SPATA22: variants seen among roughly 807,000 people sequenced by gnomAD.
SPATA22 encodes spermatogenesis-associated protein 22.
In SPATA22, 29 loss-of-function variants were observed where a neutral mutation model predicts 47.8. That is an observed-to-expected ratio of 0.61 (90% CI 0.45 to 0.83). The LOEUF (loss-of-function observed/expected upper bound fraction) is 0.83, where lower values mean the gene tolerates loss of function less well. SPATA22 is among the 40% of genes least tolerant of loss of function. The pLI is 0.00. For missense variants in SPATA22, 410 were observed against 421.7 expected (o/e 0.97, Z 0.24); for synonymous variants, 133 against 140.9 (o/e 0.94, Z 0.40).
rs779134574 is a variant in SPATA22 at position 3,498,860 on chromosome 17, T to C, written c.-74+14552A>G. On this transcript the variant is annotated intron_variant, in intron 1 of 8. Coordinates refer to the SPATA22 transcript ENST00000541913. ...ATTTTTAGAGGAGAAAAACCAAATA[T>C]AATATATTTATTTTGATTGTTTCCT... 5.4e-6 allele frequency: 8 copies of C among 1,478,074 alleles called. 1 individual carries two copies. In the Admixed American group the frequency reaches 7.7e-5, roughly 14 times the overall value. 91.6% of individuals were successfully genotyped at this position (1,478,074 alleles called of 1,614,324 possible). A position where few individuals can be genotyped will look rare whatever the true frequency, so the allele number is the denominator to read the frequency against.
In SPATA22 at chr17:3,481,794, T is replaced by C. The variant is rs777936704; in HGVS notation, c.-73-12396A>G. ...TTTTTAATTCAGATGTTTCATTACATTAAGGTAATGTTAATGTTATTAATT... is the reference window on the plus strand; with the variant it reads ...TTTTTAATTCAGATGTTTCATTACACTAAGGTAATGTTAATGTTATTAATT... On this transcript the variant is annotated intron_variant, in intron 1 of 8. Transcript: ENST00000541913. 1 of 1,599,902 alleles carries C rather than the reference T, an allele frequency of 6.3e-7. No homozygotes were observed. The highest frequency in any genetic ancestry group is 8.5e-7 in the Non-Finnish European group (1 of 1,170,202).
chr17:3,474,158 T>A (rs1437436148), upstream of SPATA22: 1 of 152,188 alleles, frequency 6.6e-6, no homozygotes, highest in Non-Finnish European at 1.5e-5. Context: ...AGACAAACTC[T>A]GTACACAAAA....
rs187013075 is a variant in SPATA22, at chr17:3,466,653, C to G, written c.172+773G>C. Among the ~76,000 whole-genome samples, 372 of 152,324 alleles carry G rather than the reference C, an allele frequency of 2.4e-3. 2 individuals are homozygous for G. The highest frequency in any genetic ancestry group is 8.7e-3 in the African/African-American group (362 of 41,580). On this transcript the variant is annotated intron_variant, in intron 3 of 8. Transcript: ENST00000572969. ...AGGTGTGTCTTAGTCCCTTTGGACT[C>G]TACTATAACAAAATACTTTAGAACG...
intron 1 of SPATA22, among the ~76,000 whole-genome samples, chr17:3,504,016 C>A (rs1415844722): frequency 2.0e-5 from 3 of 152,252 alleles, no homozygotes; most frequent in African/African-American, 7.2e-5. Context: ...TTTGGGCCAT[C>A]TCCACTCCAG....
chr17:3,452,316 G>T (rs923075435), intron 5 of SPATA22, among the ~76,000 whole-genome samples: 1 of 150,456 alleles, frequency 6.6e-6, no homozygotes, highest in Non-Finnish European at 1.5e-5. Context: ...AACTGGGACC[G>T]GGCGAGGTGG....
chr17:3,476,456 A>T (rs1273481061), upstream of SPATA22: 1 of 1,449,798 alleles, frequency 6.9e-7, no homozygotes, highest in East Asian at 2.3e-5. Context: ...TAGGTGTGTG[A>T]AAGAGAACAC....
intron 1 of SPATA22, among the ~76,000 whole-genome samples, chr17:3,505,986 G>C (rs2074037617): frequency 6.6e-6 from 1 of 152,112 alleles, no homozygotes; most frequent in African/African-American, 2.4e-5. Flanking sequence ...TCGAACTCCT[G>C]ACCTCAGGTG....
intron 5 of SPATA22, among the ~76,000 whole-genome samples, chr17:3,450,862 G>A (rs552092156): frequency 3.3e-5 from 5 of 152,302 alleles, no homozygotes; most frequent in East Asian, 1.9e-4. Context: ...ACCAAAATGT[G>A]ACATAGAAAC....
chr17:3,460,134 G>A (rs1261109850), intron 5 of SPATA22, among the ~76,000 whole-genome samples: 1 of 152,104 alleles, frequency 6.6e-6, no homozygotes, highest in Non-Finnish European at 1.5e-5. Flanking sequence ...TCTTGGTAAT[G>A]ATAGACAAGA....
chr17:3,482,202 T>C (rs1338409428), intron 1 of SPATA22, among the ~76,000 whole-genome samples: 2 of 152,210 alleles, frequency 1.3e-5, no homozygotes, highest in African/African-American at 4.8e-5. Context: ...TTAAATGGTA[T>C]GGGATCTCAA....
chr17:3,500,595 C>G (rs1192093252), intron 1 of SPATA22: 2 of 152,146 alleles, frequency 1.3e-5, no homozygotes, highest in African/African-American at 4.8e-5. Context: ...CTCCGCCTCC[C>G]AGGTTCATGC....
At chr17:3,451,880 G>A (rs541807768) in intron 5 of SPATA22, among the ~76,000 whole-genome samples, 2 of 151,516 alleles carry the variant, frequency 1.3e-5, no homozygotes, top group South Asian at 2.1e-4. Context: ...CTGGGAGGCG[G>A]AGATTGCAGT....
chr17:3,448,161 C>A (rs969581026), intron 6 of SPATA22, among the ~76,000 whole-genome samples: 2 of 152,184 alleles, frequency 1.3e-5, no homozygotes, highest in Admixed American at 1.3e-4. Flanking sequence ...GTGGCTAGAG[C>A]ATTGGACAAT....
intron 1 of SPATA22, among the ~76,000 whole-genome samples, chr17:3,482,532 C>T (rs1198858522): frequency 6.6e-6 from 1 of 151,448 alleles, no homozygotes; most frequent in Non-Finnish European, 1.5e-5. Flanking sequence ...CTTTCTCCTT[C>T]ACTAACCTTA....
At chr17:3,447,071 G>A (rs896491965) in intron 6 of SPATA22, among the ~76,000 whole-genome samples, 3 of 152,200 alleles carry the variant, frequency 2.0e-5, no homozygotes, top group African/African-American at 7.2e-5. Context: ...ATCTGTCCTC[G>A]AAGATTTTAT....
chr17:3,496,910 C>CA (rs1171629462), intron 1 of SPATA22, among the ~76,000 whole-genome samples: 5 of 152,036 alleles, frequency 3.3e-5, no homozygotes, highest in African/African-American at 9.7e-5. Context: ...ACCAAAAATA[C>CA]AAAAAATTAG....
rs139000035 is a variant in SPATA22 at position 3,444,260 on chromosome 17, C to T, written c.803-989G>A. Among the ~76,000 whole-genome samples, 5 of 152,032 alleles carry T rather than the reference C, an allele frequency of 3.3e-5. No individual in the cohort carries two copies. In the East Asian group the frequency reaches 9.7e-4, roughly 29 times the overall value. ...CCTTCAGGAAAATTCCATTTTTAGC[C>T]ATATTATTTGGATAGGATTTGTCCC... On this transcript the variant is annotated intron_variant, in intron 7 of 8. Coordinates refer to ENST00000572969, the MANE Select transcript of SPATA22 (RefSeq NM_001170698.2).
At chr17:3,465,773 C>G (rs1278008802) in intron 3 of SPATA22, among the ~76,000 whole-genome samples, 1 of 99,786 alleles carries the variant, frequency 1.0e-5, no homozygotes, top group Non-Finnish European at 2.3e-5. Context: ...CAAGAATGAT[C>G]AATAAAAATA....
intron 8 of SPATA22, 22 bp from the exon 9 acceptor site, chr17:3,440,360 T>A (rs200477962): frequency 3.1e-4 from 468 of 1,494,476 alleles, no homozygotes; most frequent in Admixed American, 2.6e-3. Context: ...AAAATAAGTA[T>A]CAAAAAATAG....
Sources: allele counts gnomAD v4.1 joint callset (sites outside exome capture counted in the v4.1 genomes callset), GRCh38; gene constraint gnomAD v4.1.1; transcripts MANE v1.5; gene names NCBI Gene and HGNC (gene_info 2026-07-23, HGNC 2026-07-21).